The following DLG2 variants were observed in gnomAD, a reference collection of about 807,000 sequenced individuals.
DLG2 encodes disks large homolog 2.
DLG2 carries 45 observed loss-of-function variants against 132.5 expected under a neutral mutation model. The ratio of observed to expected loss-of-function variants is 0.34; its 90% CI spans 0.27 to 0.44. The LOEUF is 0.44. DLG2 is among the 20% of genes least tolerant of loss of function. The probability of loss-of-function intolerance (pLI) is 1.00; values close to 1 mark genes in which losing one functional copy is unlikely to be tolerated. For synonymous variants in DLG2, 424 were observed against 419.6 expected (o/e 1.01, Z -0.13); for missense variants, 1,045 against 1,196.9 (o/e 0.87, Z 1.87).
intron 7 of DLG2, among the ~76,000 whole-genome samples, chr11:84,287,882 C>T (rs1415357376): frequency 6.6e-6 from 1 of 151,380 alleles, no homozygotes; most frequent in Non-Finnish European, 1.5e-5. Flanking sequence ...CAGGTGAGAG[C>T]CAATAGGTGA....
At chr11:84,359,027 A>C (rs2098634548) in intron 7 of DLG2, among the ~76,000 whole-genome samples, 1 of 151,926 alleles carries the variant, frequency 6.6e-6, no homozygotes, top group Non-Finnish European at 1.5e-5. Context: ...TGAGCATATG[A>C]GTATATATAA....
chr11:84,176,137 C>A (rs1194239911), intron 8 of DLG2, among the ~76,000 whole-genome samples: 2 of 151,642 alleles, frequency 1.3e-5, no homozygotes, highest in Non-Finnish European at 2.9e-5. Context: ...TGATGGTTAC[C>A]TGATGGTTCA....
At chr11:83,481,697 G>A (rs1354257135) in intron 22 of DLG2, among the ~76,000 whole-genome samples, 1 of 152,042 alleles carries the variant, frequency 6.6e-6, no homozygotes, top group East Asian at 1.9e-4. Flanking sequence ...AAAGAAGTGT[G>A]GATGAACCTG....
chr11:85,599,447 T>C (rs1215404935), intron 2 of DLG2, among the ~76,000 whole-genome samples: 2 of 152,114 alleles, frequency 1.3e-5, no homozygotes, highest in Non-Finnish European at 1.5e-5. Flanking sequence ...CCACTGTATA[T>C]ACTCCCTAGA....
At chr11:83,709,670 A>C (rs1320800698) in intron 18 of DLG2, among the ~76,000 whole-genome samples, 1 of 152,192 alleles carries the variant, frequency 6.6e-6, no homozygotes, top group Non-Finnish European at 1.5e-5. Context: ...AGGTTACATA[A>C]CAGCCTTGGC....
intron 18 of DLG2, among the ~76,000 whole-genome samples, chr11:83,745,422 C>T (rs1024309731): frequency 6.6e-6 from 1 of 152,170 alleles, no homozygotes; most frequent in Non-Finnish European, 1.5e-5. Context: ...TTTACTCTCT[C>T]AATTATTCCT....
At chr11:83,868,506 A>G (rs577467202) in intron 16 of DLG2, among the ~76,000 whole-genome samples, 1 of 152,286 alleles carries the variant, frequency 6.6e-6, no homozygotes, top group Non-Finnish European at 1.5e-5. Flanking sequence ...ACATATAAAT[A>G]CATATATACA....
chr11:85,503,288 C>T (rs540859491), intron 3 of DLG2, among the ~76,000 whole-genome samples: 12 of 152,092 alleles, frequency 7.9e-5, no homozygotes, highest in African/African-American at 2.9e-4. Flanking sequence ...TTTCTTACTC[C>T]CCTACTTTGA....
intron 3 of DLG2, among the ~76,000 whole-genome samples, chr11:85,398,655 C>T (rs1317071160): frequency 1.3e-5 from 2 of 152,110 alleles, no homozygotes; most frequent in African/African-American, 2.4e-5. Context: ...AACATCCCTA[C>T]ACAACTAAAC....
intron 7 of DLG2, among the ~76,000 whole-genome samples, chr11:84,425,671 C>A (rs1017863476): frequency 6.6e-6 from 1 of 152,060 alleles, no homozygotes; most frequent in Non-Finnish European, 1.5e-5. Flanking sequence ...CCTACAACAT[C>A]CCCTATCCTT....
At chr11:84,613,682 A>G (rs1006616511) in intron 6 of DLG2, among the ~76,000 whole-genome samples, 1 of 152,204 alleles carries the variant, frequency 6.6e-6, no homozygotes, top group African/African-American at 2.4e-5. Context: ...TCAAGACAAA[A>G]GGATGAGATG....
intron 6 of DLG2, among the ~76,000 whole-genome samples, chr11:84,550,797 A>T (rs2099400321): frequency 6.6e-6 from 1 of 152,210 alleles, no homozygotes; most frequent in Non-Finnish European, 1.5e-5. Flanking sequence ...CTAATCACTA[A>T]ATTTTAAGTG....
chr11:85,348,596 T>C (rs1449120240), intron 3 of DLG2, among the ~76,000 whole-genome samples: 2 of 152,098 alleles, frequency 1.3e-5, no homozygotes, highest in African/African-American at 4.8e-5. Context: ...TTAAATTCAA[T>C]GCCCCAAACT....
intron 15 of DLG2, among the ~76,000 whole-genome samples, chr11:83,879,536 C>T (rs925761100): frequency 1.3e-4 from 19 of 151,936 alleles, no homozygotes; most frequent in East Asian, 3.8e-4. Flanking sequence ...CTTAATATAG[C>T]GCATGCATTA....
intron 6 of DLG2, among the ~76,000 whole-genome samples, chr11:84,931,937 G>A (rs540213804): frequency 1.7e-4 from 26 of 152,232 alleles, no homozygotes; most frequent in African/African-American, 6.0e-4. Flanking sequence ...GTCTGTTCAT[G>A]TCCTTTGCCC....
At chr11:84,164,963 G>A (rs1264310629) in intron 8 of DLG2, among the ~76,000 whole-genome samples, 2 of 152,152 alleles carry the variant, frequency 1.3e-5, no homozygotes, top group Non-Finnish European at 2.9e-5. Flanking sequence ...CAGCTTTCTA[G>A]AGGGTTTTGT....
intron 3 of DLG2, among the ~76,000 whole-genome samples, chr11:85,417,287 A>G (rs1475433187): frequency 6.6e-6 from 1 of 152,216 alleles, no homozygotes; most frequent in Non-Finnish European, 1.5e-5. Flanking sequence ...CATCCCAGAA[A>G]TGAAGCTGAC....
chr11:84,484,427 G>A (rs967553821), intron 7 of DLG2, among the ~76,000 whole-genome samples: 1 of 152,142 alleles, frequency 6.6e-6, no homozygotes, highest in African/African-American at 2.4e-5. Context: ...AGGATACTGA[G>A]ATTTTGTGGT....
chr11:83,908,426 G>A (rs776764447), intron 15 of DLG2, among the ~76,000 whole-genome samples: 1 of 151,476 alleles, frequency 6.6e-6, no homozygotes, highest in African/African-American at 2.4e-5. Context: ...GATTATGACT[G>A]TCTTTTTTTC....
Sources: gnomAD v4.1 joint callset for allele counts (sites outside exome capture counted in the v4.1 genomes callset) on GRCh38, gnomAD v4.1.1 for gene constraint, MANE v1.5 for transcripts, NCBI Gene and HGNC (gene_info 2026-07-23, HGNC 2026-07-21) for gene names.